The following SCIMP variants were observed in gnomAD, a reference collection of about 807,000 sequenced individuals.
SCIMP encodes SLP adaptor and CSK interacting membrane protein.
A neutral mutation model predicts 22.0 loss-of-function variants in SCIMP; 18 were observed. That is an observed-to-expected ratio of 0.82 (90% CI 0.56 to 1.21). The LOEUF is 1.21. Ranked by LOEUF, SCIMP falls within the 50% of genes most tolerant of loss-of-function variation. The probability of loss-of-function intolerance (pLI) is 0.00; values close to 1 mark genes in which losing one functional copy is unlikely to be tolerated. For synonymous variants in SCIMP, 53 were observed against 62.2 expected, an observed-to-expected ratio of 0.85 and a Z score of 0.70; for missense variants, 155 against 171.2, an observed-to-expected ratio of 0.91 and a Z score of 0.53.
chr17:5,229,143 C>T (rs1167915452), intron 1 of SCIMP, among the ~76,000 whole-genome samples: 1 of 152,128 alleles, frequency 6.6e-6, no homozygotes, highest in Non-Finnish European at 1.5e-5. Context: ...CTCCCCATTC[C>T]TCTAGTTGTC....
At chr17:5,212,585 G>A (rs1598154083) in intron 4 of SCIMP, among the ~76,000 whole-genome samples, 1 of 152,180 alleles carries the variant, frequency 6.6e-6, no homozygotes, top group East Asian at 1.9e-4. Context: ...AGTGAGCCGA[G>A]ATTGCGCCAC....
At chr17:5,211,793 T>C (rs2585277) in intron 4 of SCIMP, among the ~76,000 whole-genome samples, 112,861 of 152,030 alleles carry the variant, frequency 0.74, 42,699 homozygotes, top group Non-Finnish European at 0.82. Flanking sequence ...CGCGGTGGCT[T>C]ATGCCTGTAA....
At chr17:5,215,783 G>A (rs2144312040) in intron 3 of SCIMP, among the ~76,000 whole-genome samples, 1 of 152,250 alleles carries the variant, frequency 6.6e-6, no homozygotes, top group South Asian at 2.1e-4. Flanking sequence ...ATTCATAACA[G>A]CTCTGAATTG....
chr17:5,214,643 A>G (rs371713649), intron 4 of SCIMP: 2 of 346,950 alleles, frequency 5.8e-6, no homozygotes, highest in South Asian at 5.6e-5. Context: ...GATCGAGACC[A>G]TCCTGGCTAA....
chr17:5,231,889 CTT>C (rs1263907813), intron 1 of SCIMP, among the ~76,000 whole-genome samples: 73 of 152,130 alleles, frequency 4.8e-4, no homozygotes, highest in Non-Finnish European at 6.2e-4. Context: ...CCTGTCTCTA[CTT>C]AAAAAATACA....
At chr17:5,223,273 C>T (rs1343453512) in intron 2 of SCIMP, 60 bp downstream of exon 2, 2 of 1,596,444 alleles carry the variant, frequency 1.3e-6, no homozygotes, top group African/African-American at 1.3e-5. Context: ...TAAAGGAGCT[C>T]TACTGCACCG....
chr17:5,232,921 T>A (rs540926927), intron 1 of SCIMP, among the ~76,000 whole-genome samples: 1 of 152,118 alleles, frequency 6.6e-6, no homozygotes, highest in African/African-American at 2.4e-5. Flanking sequence ...CATGTTGGCC[T>A]GGCTGGTCTC....
rs1225912274 is a variant in SCIMP, at chr17:5,221,309, C to T, written c.187G>A (p.Val63Ile). 6.2e-7 allele frequency: 1 copy of T among 1,613,492 alleles called. No individual in the cohort carries two copies. Among genetic ancestry groups the T allele is most frequent in the Non-Finnish European group, 8.5e-7 (1 of 1,179,556 alleles). The change falls in exon 3 of 5, where the codon GTA becomes ATA. Residue 63 changes from valine (V) to isoleucine (I), a missense_variant. Val to Ile is a conservative substitution (Grantham distance 29). Transcript: ENST00000574081. ...EIAKPLKHKQ[V>I]DEEKMYENVL... ...TACTCATACATCTTTTCTTCATCTA[C>T]TTGCTTGTGTTTCAGGGGCTTGGCA...
intron 4 of SCIMP, chr17:5,213,060 G>A (rs1314181384): frequency 4.8e-6 from 4 of 828,866 alleles, no homozygotes; most frequent in African/African-American, 2.3e-5. Context: ...AAAATCCAGC[G>A]AGGCAAAGAG....
At chr17:5,223,535 T>C in intron 1 of SCIMP, 79 bp from the exon 2 acceptor site, 1 of 1,420,302 alleles carries the variant, frequency 7.0e-7, no homozygotes, top group Non-Finnish European at 9.8e-7. Flanking sequence ...AGTTATCTAC[T>C]GTGGGTTGTT....
chr17:5,232,020 C>T (rs561525685), intron 1 of SCIMP, among the ~76,000 whole-genome samples: 5 of 151,980 alleles, frequency 3.3e-5, no homozygotes, highest in South Asian at 2.1e-4. Flanking sequence ...TGCGCCACTG[C>T]ACTCCAGCCT....
At chr17:5,234,270 T>G (rs1323465244) in intron 1 of SCIMP, among the ~76,000 whole-genome samples, 17 of 152,138 alleles carry the variant, frequency 1.1e-4, no homozygotes, top group Non-Finnish European at 5.9e-5. Context: ...AAACTCCATC[T>G]CAAAATAAAA....
rs35142930 is a variant in SCIMP at position 5,232,061 on chromosome 17, CAA to C, written c.21+2672_21+2673del. On this transcript the variant is annotated intron_variant, in intron 1 of 4. Coordinates refer to ENST00000574081, the MANE Select transcript of SCIMP (RefSeq NM_207103.3). ...ACAGAGCGAGACTCCGTCTCAAAAACAAAAAAAAAAAACTGGTCACCTCAGTG... is the reference window on the plus strand; with the variant it reads ...ACAGAGCGAGACTCCGTCTCAAAAACAAAAAAAAAACTGGTCACCTCAGTG... Among the ~76,000 whole-genome samples, 22 of 148,098 alleles carry C rather than the reference CAA, an allele frequency of 1.5e-4. 1 individual carries two copies. The East Asian group carries it at 4.2e-3, about 28-fold the overall frequency.
chr17:5,225,498 C>T (rs572736888), intron 1 of SCIMP, among the ~76,000 whole-genome samples: 2 of 152,162 alleles, frequency 1.3e-5, no homozygotes, highest in East Asian at 1.9e-4. Context: ...CAGTGGCTCA[C>T]GCCTGTAATC....
At chr17:5,228,120 C>T (rs896432449) in intron 1 of SCIMP, among the ~76,000 whole-genome samples, 5 of 151,790 alleles carry the variant, frequency 3.3e-5, no homozygotes, top group Non-Finnish European at 7.4e-5. Flanking sequence ...TGTGGTGAGC[C>T]GAGATCACGC....
intron 3 of SCIMP, among the ~76,000 whole-genome samples, chr17:5,220,432 CAAAA>C (rs908309110): frequency 1.3e-4 from 8 of 63,696 alleles, no homozygotes; most frequent in African/African-American, 3.5e-4. Flanking sequence ...ACCCCATCTC[CAAAA>C]AAAAAAAAAA....
intron 3 of SCIMP, among the ~76,000 whole-genome samples, chr17:5,220,287 T>C (rs2074596140): frequency 2.0e-5 from 3 of 151,940 alleles, no homozygotes; most frequent in Admixed American, 2.0e-4. Context: ...TTTGTCAGAA[T>C]AGATGAGAGT....
intron 2 of SCIMP, among the ~76,000 whole-genome samples, chr17:5,221,981 C>G (rs1342614716): frequency 6.6e-6 from 1 of 151,872 alleles, no homozygotes; most frequent in Non-Finnish European, 1.5e-5. Context: ...GCCATGTTGG[C>G]CAGGCTGGTC....
chr17:5,234,593 C>T, intron 1 of SCIMP, 142 bp downstream of exon 1: 1 of 803,996 alleles, frequency 1.2e-6, no homozygotes, highest in South Asian at 1.6e-5. Context: ...CCCTACACAG[C>T]AGTCGTACCA....
Sources: allele counts gnomAD v4.1 joint callset (sites outside exome capture counted in the v4.1 genomes callset), GRCh38; gene constraint gnomAD v4.1.1; transcripts MANE v1.5; gene names NCBI Gene and HGNC (gene_info 2026-07-23, HGNC 2026-07-21).